Variants in CACNA1I observed in about 807,000 individuals in gnomAD.
The protein encoded by CACNA1I is voltage-dependent T-type calcium channel subunit alpha-1I.
CACNA1I carries 74 observed loss-of-function variants against 201.6 expected under a neutral mutation model. The observed-to-expected ratio is 0.37, with a 90% confidence interval of 0.30 to 0.45. CACNA1I has a LOEUF of 0.45. Ranked by LOEUF, CACNA1I falls within the 20% of genes least tolerant of loss-of-function variation. The probability of loss-of-function intolerance (pLI) is 1.00; values close to 1 mark genes in which losing one functional copy is unlikely to be tolerated. For synonymous variants in CACNA1I, 1,431 were observed against 1,345.2 expected (o/e 1.06, Z -1.40); for missense variants, 2,346 against 3,138.1 (o/e 0.75, Z 6.03).
intron 4 of CACNA1I, among the ~76,000 whole-genome samples, chr22:39,624,385 C>T (rs891086889): frequency 1.3e-5 from 2 of 152,170 alleles, no homozygotes; most frequent in African/African-American, 2.4e-5. Flanking sequence ...CATCCCCCTG[C>T]GCTCCAATTA....
chr22:39,619,266 C>A, intron 3 of CACNA1I, 44 bp from the exon 4 acceptor site: 2 of 1,488,036 alleles, frequency 1.3e-6, no homozygotes, highest in Non-Finnish European at 1.9e-6. Context: ...CTGGCCCCAG[C>A]TGGCCTCCAG....
intron 5 of CACNA1I, among the ~76,000 whole-genome samples, chr22:39,639,821 A>T (rs144727609): frequency 6.6e-6 from 1 of 152,316 alleles, no homozygotes; most frequent in Non-Finnish European, 1.5e-5. Context: ...GCATTCCATT[A>T]ACCTTTCTGT....
intron 3 of CACNA1I, among the ~76,000 whole-genome samples, chr22:39,614,964 A>G (rs1933489648): frequency 6.6e-6 from 1 of 152,208 alleles, no homozygotes; most frequent in African/African-American, 2.4e-5. Context: ...TTTCTTTTTT[A>G]GACTTTTAGC....
At chr22:39,653,949 C>A (rs1934737965) in intron 10 of CACNA1I, among the ~76,000 whole-genome samples, 1 of 152,198 alleles carries the variant, frequency 6.6e-6, no homozygotes, top group Non-Finnish European at 1.5e-5. Flanking sequence ...AATTCCCACC[C>A]CCTGGGTAGC....
At chr22:39,585,680 C>G (rs1433788906) in intron 1 of CACNA1I, among the ~76,000 whole-genome samples, 1 of 144,040 alleles carries the variant, frequency 6.9e-6, no homozygotes, top group African/African-American at 2.6e-5. Context: ...GCGTGAGCTA[C>G]CATGCCCAGC....
At chr22:39,584,742 C>A (rs1932684942) in intron 1 of CACNA1I, among the ~76,000 whole-genome samples, 1 of 152,130 alleles carries the variant, frequency 6.6e-6, no homozygotes, top group African/African-American at 2.4e-5. Flanking sequence ...TTTGACTGAC[C>A]CCTGACTGAA....
chr22:39,604,887 C>T lies in CACNA1I; in HGVS notation c.482+4234C>T, dbSNP rs566330226. On this transcript the variant is annotated intron_variant, in intron 3 of 36. Coordinates refer to ENST00000402142, the MANE Select transcript of CACNA1I (RefSeq NM_021096.4). ...CCACCACGCTCAGCTGACTTTTTTG[C>T]TGGAGTCATGAGCACTCTCACTGCC... is the stretch of plus-strand genomic sequence containing the variant. Among the ~76,000 whole-genome samples, 3 of 152,142 alleles carry T rather than the reference C, an allele frequency of 2.0e-5. No individual in the cohort carries two copies. In the East Asian group the frequency reaches 5.8e-4, roughly 29 times the overall value.
rs1350386544 is a variant in CACNA1I, at chr22:39,662,808, C to T, written c.3405C>T (p.Asp1135=). The part of the protein sequence containing the change: ...TLCFRVRKMI[D]VYKPDWCEVR... ...GCTTCCGCGTCCGCAAGATGATCGACGTCTATAAGCCCGACTGGTGCGAGG... is the reference window on the plus strand; with the variant it reads ...GCTTCCGCGTCCGCAAGATGATCGATGTCTATAAGCCCGACTGGTGCGAGG... Residue 1135 remains aspartate (D), a synonymous_variant, in exon 18 of 37, where the codon GAC becomes GAT. Coordinates refer to ENST00000402142, the MANE Select transcript of CACNA1I (RefSeq NM_021096.4). 2.5e-6 allele frequency: 4 copies of T among 1,600,072 alleles called. No individual in the cohort carries two copies. Among genetic ancestry groups the T allele is most frequent in the South Asian group, 1.1e-5 (1 of 88,018 alleles).
chr22:39,586,293 C>T (rs575913333), intron 1 of CACNA1I, among the ~76,000 whole-genome samples: 1 of 151,948 alleles, frequency 6.6e-6, no homozygotes, highest in South Asian at 2.1e-4. Context: ...AGTTCCAGAC[C>T]AGCCTGGCCA....
chr22:39,671,002 G>T, intron 26 of CACNA1I, 48 bp downstream of exon 26: 1 of 1,588,658 alleles, frequency 6.3e-7, no homozygotes, highest in Non-Finnish European at 8.6e-7. Flanking sequence ...GTGAGGGTGG[G>T]GTCTCAGCAG....
Position 39,663,771 on chromosome 22 carries a change from T to C in CACNA1I, c.3527T>C (p.Val1176Ala). 8.7e-6 allele frequency: 14 copies of C among 1,608,402 alleles called. No individual in the cohort carries two copies. The highest frequency in any genetic ancestry group is 1.2e-5 in the Non-Finnish European group (14 of 1,176,850). The change falls in exon 19 of 37, where the codon GTC (valine) becomes GCC (alanine). Residue 1176 changes from valine to alanine, a missense_variant. Coordinates refer to ENST00000402142, the MANE Select transcript of CACNA1I (RefSeq NM_021096.4). The stretch of plus-strand genomic sequence containing the variant: ...GCCCACAAACTCTTCGACTACGTCG[T>C]CCTGGCCTTCATCTTTCTCAACTGC... ...IIAHKLFDYV[V>A]LAFIFLNCIT...
intron 5 of CACNA1I, 21 bp downstream of exon 5, chr22:39,634,745 C>T: frequency 6.2e-7 from 1 of 1,607,484 alleles, no homozygotes; most frequent in Non-Finnish European, 8.5e-7. Flanking sequence ...CCCCTGCCAC[C>T]CATGCAGCTC....
At chr22:39,600,407 T>G in intron 2 of CACNA1I, 113 bp from the exon 3 acceptor site, 1 of 835,354 alleles carries the variant, frequency 1.2e-6, no homozygotes, top group Non-Finnish European at 1.9e-6. Context: ...TCCGGGTGTT[T>G]CCCAGGCCCC....
At position 39,684,710 on chromosome 22, in the gene CACNA1I, G is replaced by A. The variant is rs1935807002; in HGVS notation, c.6027+212G>A. 1 of 620,034 alleles carries A rather than the reference G, an allele frequency of 1.6e-6. No homozygotes were observed. Among genetic ancestry groups the A allele is most frequent in the Non-Finnish European group, 2.8e-6 (1 of 351,084 alleles). The allele number at this position is 620,034 out of a possible 1,614,324, so 38.4% of individuals were successfully genotyped here. On this transcript the variant is annotated intron_variant, in intron 36 of 36. Transcript: ENST00000402142. The surrounding 1 kb of genome is among the most constrained non-coding windows in gnomAD (Gnocchi z 4.6). Reference sequence around the variant, plus strand: ...ATGGAGTGGGCGGGGCTGGGTCCTGGGGACAGCAGAGTGTGGGGAGGACCC... The same window carrying A: ...ATGGAGTGGGCGGGGCTGGGTCCTGAGGACAGCAGAGTGTGGGGAGGACCC...
At chr22:39,655,367 G>T (rs895794598) in intron 10 of CACNA1I, among the ~76,000 whole-genome samples, 1 of 152,180 alleles carries the variant, frequency 6.6e-6, no homozygotes, top group Non-Finnish European at 1.5e-5. Flanking sequence ...GGACTTGCAG[G>T]CTCCCACTGC....
chr22:39,591,954 G>T (rs1932827525), intron 1 of CACNA1I, among the ~76,000 whole-genome samples: 1 of 152,244 alleles, frequency 6.6e-6, no homozygotes, highest in Non-Finnish European at 1.5e-5. Flanking sequence ...CCACCGGCAG[G>T]CTGGCGCCTG....
rs140288021 is a variant in CACNA1I, at chr22:39,586,620, G to A, written c.237-11531G>A. 2.1e-3 allele frequency among the ~76,000 whole-genome samples: 316 copies of A among 152,354 alleles called. 1 individual carries two copies. The highest frequency in any genetic ancestry group is 7.1e-3 in the African/African-American group (296 of 41,582). ...CATGCCCAGTGCTGCTGGCACATGC[G>A]AGTGAGAATGCCTGCTGCATCTGTG... is the stretch of plus-strand genomic sequence containing the variant. On this transcript the variant is annotated intron_variant, in intron 1 of 36. Transcript: ENST00000402142.
At chr22:39,600,413 G>T in intron 2 of CACNA1I, 107 bp from the exon 3 acceptor site, 2 of 880,210 alleles carry the variant, frequency 2.3e-6, no homozygotes, top group Non-Finnish European at 3.6e-6. Context: ...TGTTTCCCAG[G>T]CCCCTTGCAT....
At position 39,673,967 on chromosome 22, in the gene CACNA1I, G is replaced by A; in HGVS notation, c.4788G>A (p.Leu1596=). 11 of 1,612,978 alleles carry A rather than the reference G, an allele frequency of 6.8e-6. No individual in the cohort carries two copies. The highest frequency in any genetic ancestry group is 9.3e-6 in the Non-Finnish European group (11 of 1,179,840). The change falls in exon 29 of 37, where the codon CTG becomes CTA. Residue 1596 remains leucine (L), a synonymous_variant. Coordinates refer to ENST00000402142, the MANE Select transcript of CACNA1I (RefSeq NM_021096.4). ...AGGGCTGGGTCTCGCCCGCAGTGCT[G>A]AAGCTGTTGAAGATGGCCACAGGAA... ...IMRVLRIARV[L]KLLKMATGMR...
Sources: allele counts gnomAD v4.1 joint callset (sites outside exome capture counted in the v4.1 genomes callset), GRCh38; gene constraint gnomAD v4.1.1; non-coding constraint Gnocchi (gnomAD v3.1); transcripts MANE v1.5; gene names NCBI Gene and HGNC (gene_info 2026-07-23, HGNC 2026-07-21).